SEPHS1: variants seen among roughly 807,000 people sequenced by gnomAD.
The protein encoded by SEPHS1 is selenophosphate synthetase 1, also known as zincore component SEPHS1.
SEPHS1 carries 7 observed loss-of-function variants against 39.2 expected under a neutral mutation model. The ratio of observed to expected loss-of-function variants is 0.18; its 90% CI spans 0.10 to 0.34. The LOEUF is 0.34. Ranked by LOEUF, SEPHS1 falls within the 10% of genes least tolerant of loss-of-function variation. The pLI is 1.00. For synonymous variants in SEPHS1, 190 were observed against 195.5 expected (o/e 0.97, Z 0.23); for missense variants, 253 against 514.5 (o/e 0.49, Z 4.92).
At chr10:13,341,303 G>A (rs941520183) in intron 2 of SEPHS1, among the ~76,000 whole-genome samples, 5 of 152,110 alleles carry the variant, frequency 3.3e-5, no homozygotes, top group East Asian at 1.9e-4. Context: ...CCACAGGGTC[G>A]GGGAAGCCTT....
chr10:13,328,271 G>C, intron 7 of SEPHS1, 80 bp downstream of exon 7: 1 of 978,598 alleles, frequency 1.0e-6, no homozygotes, highest in South Asian at 1.4e-5. Flanking sequence ...CCTACCCTGA[G>C]ACAGTATGTG....
intron 8 of SEPHS1, among the ~76,000 whole-genome samples, chr10:13,322,288 T>G (rs891104017): frequency 6.6e-6 from 1 of 151,896 alleles, no homozygotes. Flanking sequence ...ATTAAAGGCA[T>G]GGACCACCAC....
rs1833000494 is a variant in SEPHS1 at position 13,318,268 on chromosome 10, CA to C, written c.*873del. ...AAACAAAAGGCCTGAAATCACTGTACAAAATAGAAAATGTATTAAACACTAC... is the reference window on the plus strand; with the variant it reads ...AAACAAAAGGCCTGAAATCACTGTACAAATAGAAAATGTATTAAACACTAC... On this transcript the variant is annotated 3_prime_UTR_variant, in exon 9 of 9. Coordinates refer to ENST00000327347, the MANE Select transcript of SEPHS1 (RefSeq NM_012247.5). The C allele has an allele frequency of 6.6e-6, 1 of 152,458 alleles. No homozygotes were observed. The highest frequency in any genetic ancestry group is 2.1e-4 in the South Asian group (1 of 4,818). 9.4% of individuals were successfully genotyped at this position (152,458 alleles called of 1,614,324 possible). A position where few individuals can be genotyped will look rare whatever the true frequency, so the allele number is the denominator to read the frequency against.
Position 13,318,582 on chromosome 10 carries a change from C to T in SEPHS1, c.*560G>A, listed in dbSNP as rs1234749544. 1 of 152,666 alleles carries T rather than the reference C, an allele frequency of 6.6e-6. No homozygotes were observed. Among genetic ancestry groups the T allele is most frequent in the Non-Finnish European group, 1.5e-5 (1 of 68,218 alleles). 9.5% of individuals were successfully genotyped at this position (152,666 alleles called of 1,614,324 possible). A position where few individuals can be genotyped will look rare whatever the true frequency, so the allele number is the denominator to read the frequency against. ...AGCACTTGCTGTGTTGAACTGAATGCACTACTGGAGAATGTTCTGGGTCCG... is the reference window on the plus strand; with the variant it reads ...AGCACTTGCTGTGTTGAACTGAATGTACTACTGGAGAATGTTCTGGGTCCG... On this transcript the variant is annotated 3_prime_UTR_variant, in exon 9 of 9. Transcript: ENST00000327347.
intron 5 of SEPHS1, 60 bp downstream of exon 5, chr10:13,333,757 A>T: frequency 6.4e-7 from 1 of 1,562,896 alleles, no homozygotes; most frequent in Non-Finnish European, 8.8e-7. Context: ...ATCAATTTTT[A>T]AAAAGAGAGG....
At chr10:13,347,061 C>T (rs369396232) in intron 1 of SEPHS1, among the ~76,000 whole-genome samples, 1 of 152,160 alleles carries the variant, frequency 6.6e-6, no homozygotes, top group Non-Finnish European at 1.5e-5. Context: ...CAGGGGGATC[C>T]ATTTGCATTA....
Position 13,346,272 on chromosome 10 carries a change from C to T in SEPHS1, c.-78-1244G>A, listed in dbSNP as rs1833918740. Among the ~76,000 whole-genome samples, 3 of 152,222 alleles carry T rather than the reference C, an allele frequency of 2.0e-5. No individual in the cohort carries two copies. In the South Asian group the frequency reaches 6.2e-4, roughly 31 times the overall value. Reference sequence around the variant, plus strand: ...TTCCTCGAGTTTACAAACCTCCAGACTGATACTTTATTGGGACTAGAATTA... The same window carrying T: ...TTCCTCGAGTTTACAAACCTCCAGATTGATACTTTATTGGGACTAGAATTA... On this transcript the variant is annotated intron_variant, in intron 1 of 8. Transcript: ENST00000327347.
intron 2 of SEPHS1, among the ~76,000 whole-genome samples, chr10:13,341,320 T>C (rs1299648719): frequency 2.0e-5 from 3 of 151,206 alleles, no homozygotes; most frequent in African/African-American, 7.3e-5. Context: ...CCTTAAATAC[T>C]AGACAGAACA....
chr10:13,341,978 GAA>G (rs756726696), intron 2 of SEPHS1, among the ~76,000 whole-genome samples: 8 of 108,954 alleles, frequency 7.3e-5, no homozygotes, highest in African/African-American at 1.2e-4. Flanking sequence ...CTATCTCAAG[GAA>G]AAAAAAAAAA....
chr10:13,336,137 A>G (rs907097282), intron 4 of SEPHS1, 106 bp downstream of exon 4: 6 of 695,796 alleles, frequency 8.6e-6, no homozygotes, highest in Non-Finnish European at 1.5e-5. Flanking sequence ...AGGGAGCCAT[A>G]TGGCCTGGGC....
intron 6 of SEPHS1, among the ~76,000 whole-genome samples, chr10:13,328,880 G>A (rs1166635863): frequency 2.0e-5 from 3 of 152,236 alleles, no homozygotes; most frequent in Non-Finnish European, 4.4e-5. Flanking sequence ...GTGGCCTTCT[G>A]CTCTGCTCCC....
Position 13,345,003 on chromosome 10 carries a change from G to A in SEPHS1, c.-53C>T. 2 of 1,374,270 alleles carry A rather than the reference G, an allele frequency of 1.5e-6. No homozygotes were observed. The highest frequency in any genetic ancestry group is 2.1e-5 in the South Asian group (1 of 47,390). 85.1% of individuals were successfully genotyped at this position (1,374,270 alleles called of 1,614,324 possible). A position where few individuals can be genotyped will look rare whatever the true frequency, so the allele number is the denominator to read the frequency against. On this transcript the variant is annotated 5_prime_UTR_variant, in exon 2 of 9. Coordinates refer to ENST00000327347, the MANE Select transcript of SEPHS1 (RefSeq NM_012247.5). ...CTCAGCCCCTCCCCTCCCTCTGCGG[G>A]TTGGCTGGGTTCTTTATGGATCCAC...
At chr10:13,337,872 G>A (rs1182688808) in intron 3 of SEPHS1, among the ~76,000 whole-genome samples, 1 of 152,146 alleles carries the variant, frequency 6.6e-6, no homozygotes, top group Non-Finnish European at 1.5e-5. Flanking sequence ...TTTGTCACTG[G>A]TACCTGAGGG....
intron 2 of SEPHS1, among the ~76,000 whole-genome samples, chr10:13,339,782 A>G (rs1414815680): frequency 1.3e-5 from 2 of 152,200 alleles, no homozygotes; most frequent in Non-Finnish European, 2.9e-5. Flanking sequence ...ATACGATGTG[A>G]ATGCGATGTA....
At chr10:13,345,998 C>CTGGAAA (rs1218736082) in intron 1 of SEPHS1, among the ~76,000 whole-genome samples, 5 of 152,262 alleles carry the variant, frequency 3.3e-5, no homozygotes, top group Non-Finnish European at 7.3e-5. Flanking sequence ...AGGCGAAAGC[C>CTGGAAA]TGGAAAGTTC....
At chr10:13,340,602 G>C (rs779884414) in intron 2 of SEPHS1, 5 of 152,198 alleles carry the variant, frequency 3.3e-5, no homozygotes, top group African/African-American at 4.8e-5. Flanking sequence ...ATTTAAACTG[G>C]AGGACTACTG....
At chr10:13,335,979 T>TC (rs1833619146) in intron 4 of SEPHS1, among the ~76,000 whole-genome samples, 1 of 64,160 alleles carries the variant, frequency 1.6e-5, no homozygotes, top group South Asian at 6.9e-4. Flanking sequence ...GACTCCTGTC[T>TC]CAAAAAAAAA....
intron 5 of SEPHS1, among the ~76,000 whole-genome samples, chr10:13,330,584 A>G (rs1252381642): frequency 6.6e-6 from 1 of 152,138 alleles, no homozygotes; most frequent in Non-Finnish European, 1.5e-5. Context: ...TGAGCTCCTG[A>G]ATCGTTCCAT....
chr10:13,346,624 A>G (rs1460011415), intron 1 of SEPHS1, among the ~76,000 whole-genome samples: 1 of 140,762 alleles, frequency 7.1e-6, no homozygotes, highest in Non-Finnish European at 1.5e-5. Flanking sequence ...GAAAGTTTGA[A>G]TACCACTTTG....
Sources: allele counts gnomAD v4.1 joint callset (sites outside exome capture counted in the v4.1 genomes callset), GRCh38; gene constraint gnomAD v4.1.1; transcripts MANE v1.5; gene names NCBI Gene and HGNC (gene_info 2026-07-23, HGNC 2026-07-21).